THSD7A: variants seen among roughly 807,000 people sequenced by gnomAD.
THSD7A encodes the protein thrombospondin type-1 domain-containing protein 7A.
THSD7A carries 96 observed loss-of-function variants against 231.3 expected under a neutral mutation model. That is an observed-to-expected ratio of 0.41 (90% CI 0.35 to 0.49). The LOEUF (loss-of-function observed/expected upper bound fraction) is 0.49, where lower values mean the gene tolerates loss of function less well. Ranked by LOEUF, THSD7A falls within the 20% of genes least tolerant of loss-of-function variation. The pLI, the probability that THSD7A is intolerant of heterozygous loss-of-function variation, is 0.05. For missense variants in THSD7A, 2,290 were observed against 2,070.2 expected, an observed-to-expected ratio of 1.11 and a Z score of -2.06; for synonymous variants, 940 against 743.3, an observed-to-expected ratio of 1.26 and a Z score of -4.30.
chr7:11,421,403 T>C (rs1784137815), intron 16 of THSD7A, among the ~76,000 whole-genome samples: 1 of 152,088 alleles, frequency 6.6e-6, no homozygotes, highest in African/African-American at 2.4e-5. Context: ...CACCCTTTTG[T>C]CATGATTGTA....
At chr7:11,541,674 G>T in intron 5 of THSD7A, 43 bp from the exon 6 acceptor site, 1 of 1,555,934 alleles carries the variant, frequency 6.4e-7, no homozygotes, top group East Asian at 2.3e-5. Flanking sequence ...ACTATCAAAG[G>T]TTTAGTATTT....
intron 1 of THSD7A, among the ~76,000 whole-genome samples, chr7:11,725,280 C>T (rs1158952613): frequency 1.3e-5 from 2 of 151,896 alleles, no homozygotes; most frequent in Admixed American, 6.6e-5. Context: ...ATGGGATGTA[C>T]TTTTATACTC....
rs191749658 is a variant in THSD7A at position 11,434,998 on chromosome 7, C to T, written c.3065-5873G>A. On this transcript the variant is annotated intron_variant, in intron 13 of 27. Coordinates refer to ENST00000423059, the MANE Select transcript of THSD7A (RefSeq NM_015204.3). ...CAGGCAAATTTATAGAAGTATAATA[C>T]AATATTATTTTAATTATATTTATTC... 3.8e-4 allele frequency among the ~76,000 whole-genome samples: 57 copies of T among 151,782 alleles called. 1 individual carries two copies. Among genetic ancestry groups the T allele is most frequent in the Admixed American group, 3.3e-3 (50 of 15,210 alleles).
At chr7:11,415,209 C>G (rs181235015) in intron 17 of THSD7A, among the ~76,000 whole-genome samples, 1 of 152,338 alleles carries the variant, frequency 6.6e-6, no homozygotes, top group East Asian at 1.9e-4. Context: ...ATCTCATACT[C>G]CCTATGCAAA....
intron 11 of THSD7A, among the ~76,000 whole-genome samples, chr7:11,448,152 T>C (rs1785034568): frequency 6.6e-6 from 1 of 152,166 alleles, no homozygotes; most frequent in Non-Finnish European, 1.5e-5. Context: ...AAATTTGTAG[T>C]TCTAAAATTA....
intron 4 of THSD7A, among the ~76,000 whole-genome samples, chr7:11,570,253 G>A (rs1424243717): frequency 6.6e-6 from 1 of 152,142 alleles, no homozygotes; most frequent in East Asian, 1.9e-4. Context: ...GGCACAGAAG[G>A]ACAAATAACA....
At chr7:11,557,193 A>G (rs1789881973) in intron 4 of THSD7A, among the ~76,000 whole-genome samples, 1 of 151,818 alleles carries the variant, frequency 6.6e-6, no homozygotes, top group African/African-American at 2.4e-5. Context: ...CGGATTAGGT[A>G]ATTTTGATTA....
chr7:11,462,539 C>T (rs1240670451), intron 9 of THSD7A, among the ~76,000 whole-genome samples: 1 of 152,148 alleles, frequency 6.6e-6, no homozygotes, highest in East Asian at 1.9e-4. Context: ...GACTCATACA[C>T]ATGTAATGAA....
intron 3 of THSD7A, 57 bp downstream of exon 3, chr7:11,593,197 C>T (rs1170598586): frequency 2.5e-6 from 4 of 1,586,256 alleles, no homozygotes; most frequent in Non-Finnish European, 3.4e-6. Context: ...CAGTCAAAAT[C>T]AAATAGCTGA....
intron 13 of THSD7A, among the ~76,000 whole-genome samples, chr7:11,435,500 A>G (rs1784605314): frequency 6.6e-6 from 1 of 152,066 alleles, no homozygotes; most frequent in Admixed American, 6.6e-5. Context: ...CACATGGCCA[A>G]TGATTCTTCA....
At chr7:11,450,455 C>G (rs553195513) in intron 11 of THSD7A, among the ~76,000 whole-genome samples, 21 of 152,130 alleles carry the variant, frequency 1.4e-4, no homozygotes, top group African/African-American at 5.1e-4. Context: ...AGCAACAGCA[C>G]AATCTGTACA....
chr7:11,622,567 T>C (rs970419511), intron 2 of THSD7A, among the ~76,000 whole-genome samples: 1 of 152,124 alleles, frequency 6.6e-6, no homozygotes, highest in Non-Finnish European at 1.5e-5. Context: ...GTCATATCAG[T>C]TGTGTAAAAC....
rs534318390 is a variant in THSD7A, at chr7:11,736,639, C to T, written c.190+95118G>A. On this transcript the variant is annotated intron_variant, in intron 1 of 27. Coordinates refer to ENST00000423059, the MANE Select transcript of THSD7A (RefSeq NM_015204.3). ...TCTGTACCCAAATCATAAGGAAAACCATCATTTATGTTGAAATGTAAAATA... is the reference window on the plus strand; with the variant it reads ...TCTGTACCCAAATCATAAGGAAAACTATCATTTATGTTGAAATGTAAAATA... 2.0e-5 allele frequency among the ~76,000 whole-genome samples: 3 copies of T among 151,980 alleles called. No homozygotes were observed. The East Asian group carries it at 5.8e-4, about 30-fold the overall frequency.
At chr7:11,660,486 G>A (rs1160739120) in intron 1 of THSD7A, among the ~76,000 whole-genome samples, 3 of 151,276 alleles carry the variant, frequency 2.0e-5, no homozygotes, top group East Asian at 1.9e-4. Context: ...ATGTGAAATA[G>A]AAGTGTAACA....
intron 2 of THSD7A, among the ~76,000 whole-genome samples, chr7:11,609,646 A>C (rs1780855349): frequency 6.6e-6 from 1 of 152,170 alleles, no homozygotes; most frequent in African/African-American, 2.4e-5. Context: ...GTTTAGGTGA[A>C]TATTCATTAG....
intron 4 of THSD7A, among the ~76,000 whole-genome samples, chr7:11,553,978 T>C (rs1418034595): frequency 6.6e-6 from 1 of 151,964 alleles, no homozygotes; most frequent in East Asian, 1.9e-4. Context: ...AATTTTTAAA[T>C]TAAATGTTTT....
At chr7:11,663,027 G>C (rs565895273) in intron 1 of THSD7A, among the ~76,000 whole-genome samples, 1 of 151,004 alleles carries the variant, frequency 6.6e-6, no homozygotes, top group African/African-American at 2.4e-5. Context: ...ATAAAATGAA[G>C]CCAAAGAAAA....
Position 11,706,908 on chromosome 7 carries a change from T to G in THSD7A, c.191-69947A>C, listed in dbSNP as rs1016438107. Among the ~76,000 whole-genome samples, 3 of 150,768 alleles carry G rather than the reference T, an allele frequency of 2.0e-5. No homozygotes were observed. The South Asian group carries it at 6.2e-4, about 31-fold the overall frequency. On this transcript the variant is annotated intron_variant, in intron 1 of 27. Coordinates refer to ENST00000423059, the MANE Select transcript of THSD7A (RefSeq NM_015204.3). The stretch of plus-strand genomic sequence containing the variant: ...AGATACCAAACAATCCACTCAGCTC[T>G]GATTCAGGGTTTTTCAGCTTGTTAT...
intron 2 of THSD7A, among the ~76,000 whole-genome samples, chr7:11,604,175 AG>A (rs1405835320): frequency 6.6e-6 from 1 of 152,172 alleles, no homozygotes; most frequent in Non-Finnish European, 1.5e-5. Context: ...CTGAGACTTC[AG>A]AACAATTTCA....
Sources: allele counts gnomAD v4.1 joint callset (sites outside exome capture counted in the v4.1 genomes callset), GRCh38; gene constraint gnomAD v4.1.1; transcripts MANE v1.5; gene names NCBI Gene and HGNC (gene_info 2026-07-23, HGNC 2026-07-21).